C4orf51: variants seen among roughly 807,000 people sequenced by gnomAD.
The protein encoded by C4orf51 is chromosome 4 open reading frame 51.
Under a neutral mutation model 25.2 loss-of-function variants are expected in C4orf51, and 25 were observed. The observed-to-expected ratio is 0.99, with a 90% confidence interval of 0.72 to 1.39. The LOEUF (loss-of-function observed/expected upper bound fraction) is 1.39, where lower values mean the gene tolerates loss of function less well. Among genes scored for constraint, C4orf51 ranks in the 40% most tolerant of loss-of-function variants. The pLI, the probability that C4orf51 is intolerant of heterozygous loss-of-function variation, is 0.00. For synonymous variants in C4orf51, 100 were observed against 84.5 expected, an observed-to-expected ratio of 1.18 and a Z score of -1.01; for missense variants, 252 against 239.6, an observed-to-expected ratio of 1.05 and a Z score of -0.34.
intron 2 of C4orf51, among the ~76,000 whole-genome samples, chr4:145,718,545 G>A (rs888900098): frequency 1.1e-4 from 16 of 152,168 alleles, no homozygotes; most frequent in Admixed American, 1.0e-3. Flanking sequence ...TCAAAAAGCA[G>A]TAAGAAGTCA....
intron 1 of C4orf51, among the ~76,000 whole-genome samples, chr4:145,693,095 G>A (rs139453038): frequency 0.12 from 17,827 of 144,010 alleles, 1,239 homozygotes; most frequent in South Asian, 0.19. Context: ...TATTTGGCAG[G>A]GTCATGGGAC....
intron 1 of C4orf51, among the ~76,000 whole-genome samples, chr4:145,739,638 T>A (rs1188735056): frequency 6.6e-6 from 1 of 152,236 alleles, no homozygotes; most frequent in African/African-American, 2.4e-5. Flanking sequence ...CTTTTAAAAG[T>A]ATAAGGACAA....
At chr4:145,739,608 C>T (rs1732985909) in intron 1 of C4orf51, among the ~76,000 whole-genome samples, 1 of 152,110 alleles carries the variant, frequency 6.6e-6, no homozygotes, top group African/African-American at 2.4e-5. Context: ...TTTTAGAAAG[C>T]ACTAAAAACA....
chr4:145,724,880 C>CAAAAAAAAAAAAAAAAAAA (rs1222983724), intron 2 of C4orf51, among the ~76,000 whole-genome samples: 3 of 68,304 alleles, frequency 4.4e-5, no homozygotes, highest in Non-Finnish European at 8.3e-5. Flanking sequence ...AAGACTGTCT[C>CAAAAAAAAAAAAAAAAAAA]AAAAAAAAAA....
At chr4:145,696,003 G>A (rs745728741) in intron 1 of C4orf51, among the ~76,000 whole-genome samples, 9 of 152,312 alleles carry the variant, frequency 5.9e-5, no homozygotes, top group African/African-American at 1.4e-4. Context: ...ATGGCCAGGC[G>A]CAGTGGCTCA....
chr4:145,781,795 A>G, the C4orf51 span, among the ~76,000 whole-genome samples: 2 of 152,380 alleles, frequency 1.3e-5, no homozygotes, highest in African/African-American at 4.8e-5. Flanking sequence ...TCAAAGAACA[A>G]TAACGGTAAT....
At chr4:145,760,829 G>T (rs1734377721) in intron 1 of C4orf51, 1 of 1,201,768 alleles carries the variant, frequency 8.3e-7, no homozygotes, top group Non-Finnish European at 1.1e-6. Flanking sequence ...AGGAAGGAGT[G>T]TTTGGGTGAG....
downstream of C4orf51, among the ~76,000 whole-genome samples, chr4:145,733,861 A>G (rs987022526): frequency 4.6e-5 from 7 of 152,182 alleles, no homozygotes; most frequent in African/African-American, 1.7e-4. Flanking sequence ...CATCCCAGGC[A>G]GAAGGAGAGA....
At chr4:145,779,329 G>A in the C4orf51 span, 2 of 1,593,516 alleles carry the variant, frequency 1.3e-6, no homozygotes, top group East Asian at 4.5e-5. Context: ...AAAGAAGTTG[G>A]TGATGGAGCA....
At chr4:145,734,970 G>C (rs766216562), downstream of C4orf51, among the ~76,000 whole-genome samples, 1 of 152,230 alleles carries the variant, frequency 6.6e-6, no homozygotes, top group African/African-American at 2.4e-5. Flanking sequence ...GGGCCACCCC[G>C]GAGTTTGGAG....
chr4:145,777,376 CTT>C, the C4orf51 span, among the ~76,000 whole-genome samples: 1 of 152,192 alleles, frequency 6.6e-6, no homozygotes, highest in Admixed American at 6.5e-5. Context: ...GGAATTTCCT[CTT>C]CTCAAAAGGT....
chr4:145,742,685 G>A (rs947872261), intron 1 of C4orf51, among the ~76,000 whole-genome samples: 1 of 151,816 alleles, frequency 6.6e-6, no homozygotes, highest in Non-Finnish European at 1.5e-5. Context: ...GATTACAGGC[G>A]CCCGCCACCA....
At chr4:145,751,867 C>T (rs1001672788) in intron 1 of C4orf51, among the ~76,000 whole-genome samples, 9 of 152,178 alleles carry the variant, frequency 5.9e-5, no homozygotes, top group Non-Finnish European at 7.3e-5. Context: ...AAAGTCCTTC[C>T]CACTTTTCCT....
downstream of C4orf51, among the ~76,000 whole-genome samples, chr4:145,733,320 A>G (rs1473445056): frequency 1.3e-5 from 2 of 151,696 alleles, no homozygotes; most frequent in African/African-American, 4.8e-5. Context: ...CCTCCTGCTG[A>G]TTCCCCCCCA....
intron 2 of C4orf51, among the ~76,000 whole-genome samples, chr4:145,705,407 T>G (rs1391203521): frequency 1.3e-5 from 2 of 151,896 alleles, no homozygotes; most frequent in African/African-American, 4.8e-5. Context: ...TGTGGTGAGA[T>G]TGGAAGCTAG....
At chr4:145,760,918 A>T in intron 1 of C4orf51, 1 of 1,233,980 alleles carries the variant, frequency 8.1e-7, no homozygotes, top group Non-Finnish European at 1.0e-6. Flanking sequence ...TAACATTGTC[A>T]AGGGAATGAG....
downstream of C4orf51, among the ~76,000 whole-genome samples, chr4:145,735,845 G>A (rs1240951900): frequency 6.6e-6 from 1 of 152,168 alleles, no homozygotes; most frequent in African/African-American, 2.4e-5. Context: ...TAAGGACGAT[G>A]ACTTCATAAA....
At chr4:145,764,824 A>T in intron 1 of C4orf51, 1 of 878,688 alleles carries the variant, frequency 1.1e-6, no homozygotes, top group Non-Finnish European at 1.8e-6. Flanking sequence ...GGACAGGTCT[A>T]ATTCAATCCA....
chr4:145,694,053 C>T, intron 1 of C4orf51, among the ~76,000 whole-genome samples: 1 of 142,262 alleles, frequency 7.0e-6, no homozygotes, highest in East Asian at 2.3e-4. Flanking sequence ...AGACGCTCCT[C>T]ACCTCCCAGA....
Sources: allele counts gnomAD v4.1 joint callset (sites outside exome capture counted in the v4.1 genomes callset), GRCh38; gene constraint gnomAD v4.1.1; transcripts MANE v1.5; gene names NCBI Gene and HGNC (gene_info 2026-07-23, HGNC 2026-07-21).